PITPNB: variants seen among roughly 807,000 people sequenced by gnomAD.
PITPNB encodes phosphatidylinositol transfer protein beta.
In PITPNB, 16 loss-of-function variants were observed where a neutral mutation model predicts 45.9. That is an observed-to-expected ratio of 0.35 (90% CI 0.24 to 0.53). The LOEUF (loss-of-function observed/expected upper bound fraction) is 0.53, where lower values mean the gene tolerates loss of function less well. PITPNB is among the 20% of genes least tolerant of loss of function. PITPNB has a pLI of 0.93. For missense variants in PITPNB, 188 were observed against 330.5 expected, an observed-to-expected ratio of 0.57 and a Z score of 3.34; for synonymous variants, 112 against 108.9, an observed-to-expected ratio of 1.03 and a Z score of -0.18.
intron 1 of PITPNB, 97 bp downstream of exon 1, chr22:27,919,075 G>A: frequency 6.3e-7 from 1 of 1,590,674 alleles, no homozygotes; most frequent in Non-Finnish European, 8.6e-7. Context: ...CTGACACAGG[G>A]CTGACTCCGA....
chr22:27,918,494 A>G (rs955683508), intron 1 of PITPNB, among the ~76,000 whole-genome samples: 1 of 152,194 alleles, frequency 6.6e-6, no homozygotes, highest in Non-Finnish European at 1.5e-5. Context: ...GCACCTCGAA[A>G]TCCCTCCATT....
chr22:27,890,447 T>C (rs983088739), intron 7 of PITPNB, among the ~76,000 whole-genome samples: 1 of 152,082 alleles, frequency 6.6e-6, no homozygotes, highest in East Asian at 1.9e-4. Context: ...GAAAAGCTCC[T>C]GTGACACAAA....
chr22:27,879,892 C>G (rs1329849914), intron 7 of PITPNB, among the ~76,000 whole-genome samples: 1 of 152,104 alleles, frequency 6.6e-6, no homozygotes, highest in Non-Finnish European at 1.5e-5. Context: ...CCTTTAGCTT[C>G]TAAGTCCCAA....
chr22:27,910,100 G>A (rs1355906178), intron 3 of PITPNB, among the ~76,000 whole-genome samples: 7 of 151,934 alleles, frequency 4.6e-5, no homozygotes, highest in East Asian at 1.9e-4. Context: ...ATAGGCGTGC[G>A]CCACCACACC....
chr22:27,854,091 G>T (rs1934105080), intron 11 of PITPNB, among the ~76,000 whole-genome samples: 1 of 152,086 alleles, frequency 6.6e-6, no homozygotes, highest in Non-Finnish European at 1.5e-5. Flanking sequence ...CTCATGTGGG[G>T]CAGCAAAGAA....
chr22:27,893,336 G>A (rs1935336674), intron 7 of PITPNB, among the ~76,000 whole-genome samples: 1 of 150,764 alleles, frequency 6.6e-6, no homozygotes, highest in Non-Finnish European at 1.5e-5. Context: ...CCAGGCTGGA[G>A]TGCAGTGGCG....
intron 8 of PITPNB, among the ~76,000 whole-genome samples, chr22:27,861,741 A>G (rs1361850818): frequency 6.6e-6 from 1 of 152,212 alleles, no homozygotes; most frequent in African/African-American, 2.4e-5. Context: ...TGTGCTTACA[A>G]GATGATTAAA....
At chr22:27,869,701 G>C (rs754711228) in intron 8 of PITPNB, among the ~76,000 whole-genome samples, 1 of 152,158 alleles carries the variant, frequency 6.6e-6, no homozygotes, top group Non-Finnish European at 1.5e-5. Context: ...AGAGACGAAA[G>C]ACAAAAGCAT....
intron 7 of PITPNB, among the ~76,000 whole-genome samples, chr22:27,893,750 C>T (rs1300760848): frequency 6.6e-6 from 1 of 151,890 alleles, no homozygotes; most frequent in Non-Finnish European, 1.5e-5. Flanking sequence ...GCCACCATGC[C>T]CAGCTAATCG....
chr22:27,876,666 C>A (rs945053709), intron 7 of PITPNB, among the ~76,000 whole-genome samples: 3 of 152,182 alleles, frequency 2.0e-5, no homozygotes, highest in Non-Finnish European at 4.4e-5. Context: ...TACATTTTCA[C>A]TATTGGGTAT....
In PITPNB at chr22:27,885,581, C is replaced by T. The variant is rs1237162336; in HGVS notation, c.456+8974G>A. ...CTGGAGTACAGTGGCATGATCATAGCTCACTGCAGCCTCGAACTCCTGAAC... is the reference window on the plus strand; with the variant it reads ...CTGGAGTACAGTGGCATGATCATAGTTCACTGCAGCCTCGAACTCCTGAAC... On this transcript the variant is annotated intron_variant, in intron 7 of 11. Transcript: ENST00000335272. Among the ~76,000 whole-genome samples, 3 of 152,166 alleles carry T rather than the reference C, an allele frequency of 2.0e-5. 1 individual carries two copies. Among genetic ancestry groups the T allele is most frequent in the Admixed American group, 2.0e-4 (3 of 15,276 alleles).
At chr22:27,853,792 C>A in intron 11 of PITPNB, 129 bp from the exon 12 acceptor site, 1 of 685,346 alleles carries the variant, frequency 1.5e-6, no homozygotes, top group South Asian at 1.7e-5. Context: ...ACTACTGCAT[C>A]TTACAATTTT....
rs150534010 is a variant in PITPNB, at chr22:27,871,020, T to C, written c.534+2718A>G. ...ATGGGCAGAAACAACCAGCACCCTA[T>C]CAGCCTAATAAGTTACTGTTTAACA... On this transcript the variant is annotated intron_variant, in intron 8 of 11. Transcript: ENST00000335272. Among the ~76,000 whole-genome samples the C allele has an allele frequency of 6.8e-3, 1,033 of 152,218 alleles. 7 individuals carry two copies. Among genetic ancestry groups the C allele is most frequent in the African/African-American group, 0.023 (939 of 41,544 alleles).
intron 3 of PITPNB, among the ~76,000 whole-genome samples, chr22:27,902,246 A>G (rs1484579474): frequency 2.0e-5 from 3 of 152,054 alleles, no homozygotes; most frequent in East Asian, 3.9e-4. Flanking sequence ...AGCAGAGGGA[A>G]CAGCATGACT....
At chr22:27,855,192 A>C (rs1934136549) in intron 10 of PITPNB, among the ~76,000 whole-genome samples, 1 of 152,252 alleles carries the variant, frequency 6.6e-6, no homozygotes, top group Admixed American at 6.5e-5. Context: ...ATAAAAAATT[A>C]TCAAAAACAG....
At chr22:27,889,360 C>G (rs959217936) in intron 7 of PITPNB, among the ~76,000 whole-genome samples, 2 of 152,046 alleles carry the variant, frequency 1.3e-5, no homozygotes, top group African/African-American at 4.8e-5. Context: ...ACTGAGTACC[C>G]ACTACATTTC....
chr22:27,897,993 G>T, intron 3 of PITPNB, 101 bp from the exon 4 acceptor site: 1 of 758,394 alleles, frequency 1.3e-6, no homozygotes, highest in Non-Finnish European at 2.4e-6. Flanking sequence ...AGGTGACCAG[G>T]TTCTAAGTCT....
intron 1 of PITPNB, among the ~76,000 whole-genome samples, chr22:27,914,770 C>T (rs898439208): frequency 6.6e-6 from 1 of 152,180 alleles, no homozygotes. Context: ...TTACAGAATA[C>T]GTGTCTTGAA....
At chr22:27,884,446 C>G (rs1601402563) in intron 7 of PITPNB, among the ~76,000 whole-genome samples, 1 of 152,200 alleles carries the variant, frequency 6.6e-6, no homozygotes, top group Non-Finnish European at 1.5e-5. Context: ...ACAGGGACCC[C>G]TCCTACTCTG....
Sources: allele counts gnomAD v4.1 joint callset (sites outside exome capture counted in the v4.1 genomes callset), GRCh38; gene constraint gnomAD v4.1.1; transcripts MANE v1.5; gene names NCBI Gene and HGNC (gene_info 2026-07-23, HGNC 2026-07-21).